Variants in CDH12 observed in about 807,000 individuals in gnomAD.
The protein encoded by CDH12 is cadherin 12.
Under a neutral mutation model 74.1 loss-of-function variants are expected in CDH12, and 41 were observed. That is an observed-to-expected ratio of 0.55 (90% CI 0.43 to 0.72). The LOEUF (loss-of-function observed/expected upper bound fraction) is 0.72, where lower values mean the gene tolerates loss of function less well. CDH12 is among the 30% of genes least tolerant of loss of function. CDH12 has a pLI of 0.00. For missense variants in CDH12, 945 were observed against 977.2 expected (o/e 0.97, Z 0.44); for synonymous variants, 399 against 355.0 (o/e 1.12, Z -1.39).
At chr5:22,261,208 A>T (rs943786892) in intron 3 of CDH12, among the ~76,000 whole-genome samples, 2 of 151,892 alleles carry the variant, frequency 1.3e-5, no homozygotes, top group Non-Finnish European at 1.5e-5. Context: ...CACATACAAA[A>T]TATTACATAT....
intron 3 of CDH12, among the ~76,000 whole-genome samples, chr5:22,386,019 A>T (rs1361260640): frequency 6.6e-6 from 1 of 150,398 alleles, no homozygotes; most frequent in Non-Finnish European, 1.5e-5. Flanking sequence ...CAGCCTCCTG[A>T]GTAGCTGGGA....
intron 8 of CDH12, among the ~76,000 whole-genome samples, chr5:21,828,634 C>T (rs1370798335): frequency 6.6e-6 from 1 of 152,142 alleles, no homozygotes; most frequent in African/African-American, 2.4e-5. Context: ...TGTAAATATT[C>T]ATCATATATT....
At chr5:22,777,168 A>G (rs968113448) in intron 1 of CDH12, among the ~76,000 whole-genome samples, 1 of 152,184 alleles carries the variant, frequency 6.6e-6, no homozygotes, top group Non-Finnish European at 1.5e-5. Context: ...AATCTAGTGA[A>G]GAAATAATGC....
At chr5:22,233,729 A>G (rs2150376513) in intron 3 of CDH12, among the ~76,000 whole-genome samples, 1 of 151,952 alleles carries the variant, frequency 6.6e-6, no homozygotes, top group African/African-American at 2.4e-5. Context: ...ATAGTGAATG[A>G]TATAAAGTTG....
chr5:21,815,057 C>T (rs1236470826), intron 9 of CDH12, among the ~76,000 whole-genome samples: 2 of 151,956 alleles, frequency 1.3e-5, no homozygotes, highest in Admixed American at 1.3e-4. Context: ...AATTTCTAGA[C>T]TAAGCGTAAT....
chr5:22,200,220 C>G (rs1054809992), intron 4 of CDH12, among the ~76,000 whole-genome samples: 7 of 152,118 alleles, frequency 4.6e-5, no homozygotes, highest in African/African-American at 1.7e-4. Flanking sequence ...TCAGGATGTG[C>G]TTTTTGACTA....
chr5:22,408,977 T>C (rs373090695), intron 2 of CDH12, among the ~76,000 whole-genome samples: 15 of 152,010 alleles, frequency 9.9e-5, no homozygotes, highest in East Asian at 9.6e-4. Context: ...TCACCATAAG[T>C]ATTAAACCAT....
At chr5:22,766,614 A>G (rs1449961958) in intron 1 of CDH12, among the ~76,000 whole-genome samples, 1 of 152,100 alleles carries the variant, frequency 6.6e-6, no homozygotes, top group East Asian at 1.9e-4. Flanking sequence ...TCAGCTTAAT[A>G]TGTCCAGTTG....
chr5:22,256,932 A>G (rs144676877), intron 3 of CDH12, among the ~76,000 whole-genome samples: 1,972 of 152,300 alleles, frequency 0.013, 50 homozygotes, highest in African/African-American at 0.044. Context: ...CTAAATGACC[A>G]TCAATGATAG....
chr5:22,055,459 T>C (rs1174554021), intron 5 of CDH12, among the ~76,000 whole-genome samples: 1 of 152,202 alleles, frequency 6.6e-6, no homozygotes. Flanking sequence ...TATTTTACTT[T>C]TGTCCTAAAA....
In CDH12 at chr5:22,082,212, C is replaced by T. The variant is rs1374347262; in HGVS notation, c.-186-3350G>A. ...AATTTCATGGAGAGGTTTATTCTTA[C>T]CATAGCAACCTCAGCATATGATTTA... On this transcript the variant is annotated intron_variant, in intron 4 of 14. Coordinates refer to ENST00000382254, the MANE Select transcript of CDH12 (RefSeq NM_004061.5). 2.6e-5 allele frequency among the ~76,000 whole-genome samples: 4 copies of T among 152,214 alleles called. No homozygotes were observed. In the East Asian group the frequency reaches 7.7e-4, roughly 29 times the overall value.
At chr5:22,649,220 G>A (rs2126881236) in intron 1 of CDH12, among the ~76,000 whole-genome samples, 1 of 152,066 alleles carries the variant, frequency 6.6e-6, no homozygotes, top group Non-Finnish European at 1.5e-5. Flanking sequence ...TGCCAGGCTT[G>A]TGAATACAAT....
At chr5:22,688,551 T>G (rs1364845473) in intron 1 of CDH12, among the ~76,000 whole-genome samples, 3 of 152,212 alleles carry the variant, frequency 2.0e-5, no homozygotes, top group Admixed American at 6.5e-5. Flanking sequence ...TCTATTATAT[T>G]CTTTTCTCTG....
intron 1 of CDH12, among the ~76,000 whole-genome samples, chr5:22,535,838 C>T (rs1297020771): frequency 6.6e-6 from 1 of 152,176 alleles, no homozygotes; most frequent in Non-Finnish European, 1.5e-5. Context: ...CCTCTGTATT[C>T]ATGGGCTCTG....
At chr5:22,545,650 T>G (rs1370023009) in intron 1 of CDH12, among the ~76,000 whole-genome samples, 1 of 152,230 alleles carries the variant, frequency 6.6e-6, no homozygotes, top group Non-Finnish European at 1.5e-5. Context: ...ATGGCATATG[T>G]ATAATCAACA....
At chr5:22,304,800 T>C (rs937868605) in intron 3 of CDH12, among the ~76,000 whole-genome samples, 2 of 152,146 alleles carry the variant, frequency 1.3e-5, no homozygotes, top group Non-Finnish European at 2.9e-5. Flanking sequence ...AAAGATATCA[T>C]AACCAGGCAA....
chr5:22,352,222 C>T (rs1253901012), intron 3 of CDH12, among the ~76,000 whole-genome samples: 1 of 151,062 alleles, frequency 6.6e-6, no homozygotes, highest in Non-Finnish European at 1.5e-5. Flanking sequence ...TTATTTTATA[C>T]TTGGTATCTG....
At chr5:22,365,869 A>T (rs371958505) in intron 3 of CDH12, among the ~76,000 whole-genome samples, 18 of 152,230 alleles carry the variant, frequency 1.2e-4, no homozygotes, top group East Asian at 3.8e-4. Flanking sequence ...GCAGAGGAGC[A>T]TTAACAGTTT....
intron 1 of CDH12, among the ~76,000 whole-genome samples, chr5:22,767,469 A>G (rs187706069): frequency 1.4e-3 from 212 of 152,168 alleles, no homozygotes; most frequent in African/African-American, 5.0e-3. Flanking sequence ...TGATGCAACT[A>G]TTGAGTCCAC....
Sources: gnomAD v4.1 joint callset for allele counts (sites outside exome capture counted in the v4.1 genomes callset) on GRCh38, gnomAD v4.1.1 for gene constraint, MANE v1.5 for transcripts, NCBI Gene and HGNC (gene_info 2026-07-23, HGNC 2026-07-21) for gene names.